NEDD4L: variants seen among roughly 807,000 people sequenced by gnomAD.
The protein encoded by NEDD4L is E3 ubiquitin-protein ligase NEDD4-like.
Under a neutral mutation model 148.9 loss-of-function variants are expected in NEDD4L, and 54 were observed. That is an observed-to-expected ratio of 0.36 (90% CI 0.29 to 0.45). The LOEUF is 0.45. Among genes scored for constraint, NEDD4L ranks in the 20% least tolerant of loss-of-function variants. The pLI, the probability that NEDD4L is intolerant of heterozygous loss-of-function variation, is 1.00. For missense variants in NEDD4L, 856 were observed against 1,233.8 expected (o/e 0.69, Z 4.59); for synonymous variants, 433 against 440.7 (o/e 0.98, Z 0.22).
chr18:58,380,759 T>G (rs572304300), intron 24 of NEDD4L, among the ~76,000 whole-genome samples: 88 of 152,258 alleles, frequency 5.8e-4, no homozygotes, highest in African/African-American at 2.0e-3. Flanking sequence ...GTGTGTGATG[T>G]TCCCCTCCCT....
chr18:58,313,599 C>A (rs2057940335), intron 5 of NEDD4L, among the ~76,000 whole-genome samples: 1 of 152,210 alleles, frequency 6.6e-6, no homozygotes, highest in Non-Finnish European at 1.5e-5. Context: ...GGCTGATGGG[C>A]AGCTTGGCCA....
chr18:58,095,825 G>A (rs945039198), intron 1 of NEDD4L, among the ~76,000 whole-genome samples: 15 of 152,164 alleles, frequency 9.9e-5, no homozygotes, highest in African/African-American at 3.4e-4. Context: ...GCAAGCTTGT[G>A]CAACCACAAG....
rs149736090 is a variant in NEDD4L, at chr18:58,365,701, A to G, written c.1834-298A>G. ...CAGTCGACTGCCTTTCGGTTGCCCT[A>G]TGCTGGAGAAGTGCCCACAGTTGTT... On this transcript the variant is annotated intron_variant, in intron 20 of 30. Transcript: ENST00000400345. Among the ~76,000 whole-genome samples, 611 of 152,302 alleles carry G rather than the reference A, an allele frequency of 4.0e-3. 1 individual carries two copies. Among genetic ancestry groups the G allele is most frequent in the African/African-American group, 0.012 (516 of 41,566 alleles).
chr18:58,045,803 G>A lies in NEDD4L; in HGVS notation c.48+1095G>A, dbSNP rs1018103270. The A allele has an allele frequency of 1.6e-4, 25 of 152,214 alleles. 1 individual carries two copies. Among genetic ancestry groups the A allele is most frequent in the Admixed American group, 1.6e-3 (25 of 15,288 alleles). 9.4% of individuals were successfully genotyped at this position (152,214 alleles called of 1,614,324 possible). A position where few individuals can be genotyped will look rare whatever the true frequency, so the allele number is the denominator to read the frequency against. On this transcript the variant is annotated intron_variant, in intron 1 of 30. Transcript: ENST00000400345. The stretch of plus-strand genomic sequence containing the variant: ...TCAGCAGGGAGGTATTTCCTATCCT[G>A]GTTGTGCATTTCATGAAAAGTTGAT...
intron 7 of NEDD4L, among the ~76,000 whole-genome samples, chr18:58,323,002 T>C (rs1601230651): frequency 1.2e-5 from 1 of 86,692 alleles, no homozygotes; most frequent in Non-Finnish European, 2.3e-5. Context: ...GTGCTGTGGG[T>C]ATAGGTGGGG....
At chr18:58,375,266 G>C (rs750683183) in intron 24 of NEDD4L, among the ~76,000 whole-genome samples, 10 of 152,082 alleles carry the variant, frequency 6.6e-5, no homozygotes, top group Non-Finnish European at 4.4e-5. Context: ...ACAGCCTCCT[G>C]TCGGCCGCCC....
At chr18:58,202,255 G>A (rs2041495475) in intron 2 of NEDD4L, among the ~76,000 whole-genome samples, 1 of 152,180 alleles carries the variant, frequency 6.6e-6, no homozygotes, top group Non-Finnish European at 1.5e-5. Context: ...GGAAACAAAG[G>A]GAGAGCCGGA....
chr18:58,290,282 G>T (rs1283928051), intron 5 of NEDD4L, among the ~76,000 whole-genome samples: 1 of 152,200 alleles, frequency 6.6e-6, no homozygotes, highest in African/African-American at 2.4e-5. Flanking sequence ...GATTTGTTTT[G>T]CTAATCTTAT....
At chr18:58,332,699 A>G (rs1260499105) in intron 11 of NEDD4L, among the ~76,000 whole-genome samples, 2 of 152,160 alleles carry the variant, frequency 1.3e-5, no homozygotes, top group Non-Finnish European at 2.9e-5. Flanking sequence ...ATTGTCCCCC[A>G]TCCCTACCAC....
chr18:58,146,164 C>T (rs2034077565), intron 1 of NEDD4L, among the ~76,000 whole-genome samples: 1 of 152,168 alleles, frequency 6.6e-6, no homozygotes, highest in Non-Finnish European at 1.5e-5. Flanking sequence ...GGTAGATGTT[C>T]AGCTAGCCCT....
At chr18:58,055,641 C>T (rs1231303330) in intron 1 of NEDD4L, among the ~76,000 whole-genome samples, 4 of 152,160 alleles carry the variant, frequency 2.6e-5, no homozygotes, top group African/African-American at 4.8e-5. Flanking sequence ...CTCACCACTA[C>T]GTTGGGAGTT....
At position 58,156,935 on chromosome 18, in the gene NEDD4L, C is replaced by A. The variant is rs547348620; in HGVS notation, c.49-8853C>A. On this transcript the variant is annotated intron_variant, in intron 1 of 30. Coordinates refer to ENST00000400345, the MANE Select transcript of NEDD4L (RefSeq NM_001144967.3). ...CTCACACCTGTAAAAATCCCAGCAC[C>A]TTGGGAGGCAGAGGTGGGCAGATCT... Among the ~76,000 whole-genome samples, 5 of 151,912 alleles carry A rather than the reference C, an allele frequency of 3.3e-5. No individual in the cohort carries two copies. The East Asian group carries it at 9.7e-4, about 29-fold the overall frequency.
At chr18:58,313,134 A>G (rs1210102547) in intron 5 of NEDD4L, among the ~76,000 whole-genome samples, 1 of 152,238 alleles carries the variant, frequency 6.6e-6, no homozygotes, top group Middle Eastern at 3.2e-3. Flanking sequence ...AAGCCAATTC[A>G]TTTTGACCAT....
At chr18:58,202,125 T>A (rs9960771) in intron 2 of NEDD4L, among the ~76,000 whole-genome samples, 3 of 152,218 alleles carry the variant, frequency 2.0e-5, no homozygotes, top group African/African-American at 7.2e-5. Context: ...TCATCTTTAA[T>A]CCCTGATTTA....
intron 1 of NEDD4L, among the ~76,000 whole-genome samples, chr18:58,141,442 A>G (rs1420500945): frequency 6.6e-6 from 1 of 152,210 alleles, no homozygotes; most frequent in Non-Finnish European, 1.5e-5. Flanking sequence ...CTGGGATGGA[A>G]ATAAGGCAAA....
rs1204816417 is a variant in NEDD4L, at chr18:58,351,937, G to A, written c.1708+892G>A. ...GCCACAAGTAATCCTCACACGTATAGGACTGGTCACTATCTCATAGGCATA... is the reference window on the plus strand; with the variant it reads ...GCCACAAGTAATCCTCACACGTATAAGACTGGTCACTATCTCATAGGCATA... On this transcript the variant is annotated intron_variant, in intron 18 of 30. Coordinates refer to ENST00000400345, the MANE Select transcript of NEDD4L (RefSeq NM_001144967.3). Among the ~76,000 whole-genome samples, 4 of 152,170 alleles carry A rather than the reference G, an allele frequency of 2.6e-5. No homozygotes were observed. In the East Asian group the frequency reaches 7.7e-4, roughly 29 times the overall value.
chr18:58,119,655 TGA>T (rs1444297399), intron 1 of NEDD4L, among the ~76,000 whole-genome samples: 1 of 152,244 alleles, frequency 6.6e-6, no homozygotes, highest in Non-Finnish European at 1.5e-5. Flanking sequence ...ACTGGACGAC[TGA>T]GAGTTTGCAG....
intron 1 of NEDD4L, chr18:58,047,330 T>A (rs2081631862): frequency 2.0e-6 from 2 of 984,968 alleles, no homozygotes. Context: ...GATTTGAGAT[T>A]GTTGAAAAGC....
Position 58,044,596 on chromosome 18 carries a change from C to T in NEDD4L, c.-65C>T. On this transcript the variant is annotated 5_prime_UTR_variant, in exon 1 of 31. Coordinates refer to ENST00000400345, the MANE Select transcript of NEDD4L (RefSeq NM_001144967.3). The stretch of plus-strand genomic sequence containing the variant: ...GGGGACCTGGAGGCAGAGGGGAGAA[C>T]CGGCCGTCCGCGCCGCAGCACAGCC... The T allele has an allele frequency of 7.9e-6, 12 of 1,515,310 alleles. No individual in the cohort carries two copies. The highest frequency in any genetic ancestry group is 1.1e-5 in the Non-Finnish European group (12 of 1,131,592). 93.9% of individuals were successfully genotyped at this position (1,515,310 alleles called of 1,614,324 possible). A position where few individuals can be genotyped will look rare whatever the true frequency, so the allele number is the denominator to read the frequency against.
Sources: allele counts gnomAD v4.1 joint callset (sites outside exome capture counted in the v4.1 genomes callset), GRCh38; gene constraint gnomAD v4.1.1; transcripts MANE v1.5; gene names NCBI Gene and HGNC (gene_info 2026-07-23, HGNC 2026-07-21).